The following TENM3 variants were observed in gnomAD, a reference collection of about 807,000 sequenced individuals.
TENM3 encodes the protein teneurin-3.
In TENM3, 63 loss-of-function variants were observed where a neutral mutation model predicts 255.1. The observed-to-expected ratio is 0.25, with a 90% CI of 0.20 to 0.30. TENM3 has a LOEUF of 0.30. Ranked by LOEUF, TENM3 falls within the 10% of genes least tolerant of loss-of-function variation. The pLI, the probability that TENM3 is intolerant of heterozygous loss-of-function variation, is 1.00. For missense variants in TENM3, 2,929 were observed against 3,461.1 expected (o/e 0.85, Z 3.86); for synonymous variants, 1,306 against 1,322.3 (o/e 0.99, Z 0.27).
the TENM3 span, among the ~76,000 whole-genome samples, chr4:181,926,771 A>G: frequency 3.3e-5 from 5 of 152,074 alleles, no homozygotes; most frequent in South Asian, 2.1e-4. Context: ...AGGAAGATCA[A>G]TACAGAAGGC....
chr4:181,513,860 C>T, the TENM3 span, among the ~76,000 whole-genome samples: 495 of 152,234 alleles, frequency 3.3e-3, 6 homozygotes, highest in African/African-American at 0.011. Flanking sequence ...AGCCACTTGA[C>T]GTAGGCTAGC....
At chr4:182,512,645 G>A (rs943035169) in intron 3 of TENM3, among the ~76,000 whole-genome samples, 3 of 152,132 alleles carry the variant, frequency 2.0e-5, no homozygotes, top group Non-Finnish European at 4.4e-5. Context: ...TATTGTAATT[G>A]CTTTATAAGA....
intron 3 of TENM3, among the ~76,000 whole-genome samples, chr4:182,509,185 A>G (rs980632944): frequency 4.6e-5 from 7 of 152,202 alleles, no homozygotes; most frequent in Non-Finnish European, 2.9e-5. Flanking sequence ...ATGGATTTCA[A>G]ACCGAATTTA....
the TENM3 span, among the ~76,000 whole-genome samples, chr4:182,136,737 T>C: frequency 6.6e-6 from 1 of 152,174 alleles, no homozygotes; most frequent in Admixed American, 6.5e-5. Context: ...GAGAAGCCCA[T>C]TATAACAGCT....
chr4:181,578,018 C>T, the TENM3 span, among the ~76,000 whole-genome samples: 1 of 152,146 alleles, frequency 6.6e-6, no homozygotes, highest in Non-Finnish European at 1.5e-5. Context: ...GAGTTCTTCA[C>T]AGCCCCCACG....
At chr4:182,164,733 T>C (rs953125289) in intron 1 of TENM3, among the ~76,000 whole-genome samples, 1 of 152,206 alleles carries the variant, frequency 6.6e-6, no homozygotes, top group African/African-American at 2.4e-5. Context: ...ACATAGCACC[T>C]CATACATAGT....
intron 1 of TENM3, among the ~76,000 whole-genome samples, chr4:182,165,576 C>G (rs1330719392): frequency 4.6e-5 from 7 of 152,308 alleles, no homozygotes; most frequent in Non-Finnish European, 5.9e-5. Flanking sequence ...ACAGGCTAAA[C>G]AGATATCTCC....
Position 182,792,958 on chromosome 4 carries a change from A to G in TENM3, c.6286A>G (p.Arg2096Gly). ...CAAGGAGATTCAATATGAGATATTCAGGTCGCTCATGTACTGGATTACAAT... is the reference window on the plus strand; with the variant it reads ...CAAGGAGATTCAATATGAGATATTCGGGTCGCTCATGTACTGGATTACAAT... Reference protein sequence around the residue: ...RIKEIQYEIFRSLMYWITIQY... With the variant: ...RIKEIQYEIFGSLMYWITIQY... The change falls in exon 26 of 28, where the codon AGG (arginine) becomes GGG (glycine). Residue 2096 changes from arginine to glycine, a missense_variant. Transcript: ENST00000511685. This position sits in a 1 kb window ranked among gnomAD's most constrained non-coding sequence, Gnocchi z 6.3. 6.2e-7 allele frequency: 1 copy of G among 1,613,788 alleles called. No individual in the cohort carries two copies. Among genetic ancestry groups the G allele is most frequent in the Non-Finnish European group, 8.5e-7 (1 of 1,179,750 alleles).
At chr4:182,680,468 C>T (rs1756078240) in intron 9 of TENM3, 75 bp from the exon 10 acceptor site, 1 of 1,555,978 alleles carries the variant, frequency 6.4e-7, no homozygotes, top group Non-Finnish European at 8.8e-7. Flanking sequence ...TTGCTTGTTC[C>T]AGCGATGTGT....
intron 1 of TENM3, among the ~76,000 whole-genome samples, chr4:182,162,091 G>T (rs545741110): frequency 7.3e-5 from 11 of 150,410 alleles, no homozygotes; most frequent in African/African-American, 2.7e-4. Context: ...GCTATGTTGT[G>T]CAGGCTGTCC....
the TENM3 span, among the ~76,000 whole-genome samples, chr4:181,768,807 C>T: frequency 6.6e-6 from 1 of 152,094 alleles, no homozygotes; most frequent in Non-Finnish European, 1.5e-5. Context: ...TTTTCTCAAT[C>T]TTATAGGCAA....
chr4:182,150,145 A>G (rs1750238796), intron 1 of TENM3, among the ~76,000 whole-genome samples: 1 of 151,884 alleles, frequency 6.6e-6, no homozygotes, highest in African/African-American at 2.4e-5. Context: ...ATAACCAGCT[A>G]TTTTATAACT....
chr4:181,646,118 A>T, the TENM3 span, among the ~76,000 whole-genome samples: 1 of 152,164 alleles, frequency 6.6e-6, no homozygotes, highest in African/African-American at 2.4e-5. Context: ...CACAAAGATA[A>T]AATTTGGGGT....
At chr4:182,085,385 C>T in the TENM3 span, among the ~76,000 whole-genome samples, 2 of 152,290 alleles carry the variant, frequency 1.3e-5, no homozygotes, top group Admixed American at 1.3e-4. Flanking sequence ...TTCTCCCACA[C>T]CTAGTCACCA....
the TENM3 span, among the ~76,000 whole-genome samples, chr4:181,686,827 C>T: frequency 6.6e-6 from 1 of 152,114 alleles, no homozygotes; most frequent in South Asian, 2.1e-4. Flanking sequence ...CATTTCTATA[C>T]TCATCGATGA....
chr4:182,378,491 G>A (rs973011078), intron 3 of TENM3, among the ~76,000 whole-genome samples: 4 of 152,132 alleles, frequency 2.6e-5, no homozygotes, highest in African/African-American at 9.7e-5. Context: ...AAAAGTGACA[G>A]GTTTAAAGCT....
the TENM3 span, among the ~76,000 whole-genome samples, chr4:181,631,641 A>G: frequency 2.0e-5 from 3 of 152,140 alleles, no homozygotes; most frequent in Non-Finnish European, 2.9e-5. Context: ...CCCACCCAAG[A>G]CATTCTTCTT....
chr4:182,775,588 G>A (rs767434048), intron 24 of TENM3, among the ~76,000 whole-genome samples: 5 of 152,144 alleles, frequency 3.3e-5, no homozygotes, highest in Non-Finnish European at 5.9e-5. Flanking sequence ...GGCCCCTGCT[G>A]CCTTGGGCCA....
At chr4:181,610,910 G>T in the TENM3 span, among the ~76,000 whole-genome samples, 2 of 152,144 alleles carry the variant, frequency 1.3e-5, no homozygotes, top group African/African-American at 4.8e-5. Context: ...AGATTGTTTA[G>T]TTTTTCTACT....
Sources: allele counts gnomAD v4.1 joint callset (sites outside exome capture counted in the v4.1 genomes callset), GRCh38; gene constraint gnomAD v4.1.1; non-coding constraint Gnocchi (gnomAD v3.1); transcripts MANE v1.5; gene names NCBI Gene and HGNC (gene_info 2026-07-23, HGNC 2026-07-21).